The following ADAMTS18 variants were observed in gnomAD, a reference collection of about 807,000 sequenced individuals.
ADAMTS18 encodes the protein A disintegrin and metalloproteinase with thrombospondin motifs 18.
In ADAMTS18, 157 loss-of-function variants were observed where a neutral mutation model predicts 165.9. The observed-to-expected ratio is 0.95, with a 90% CI of 0.83 to 1.08. The LOEUF (loss-of-function observed/expected upper bound fraction) is 1.08, where lower values mean the gene tolerates loss of function less well. ADAMTS18 is among the 50% of genes least tolerant of loss of function. ADAMTS18 has a pLI of 0.00. For missense variants in ADAMTS18, 2,040 were observed against 1,534.0 expected, an observed-to-expected ratio of 1.33 and a Z score of -5.51; for synonymous variants, 782 against 578.2, an observed-to-expected ratio of 1.35 and a Z score of -5.06.
intron 3 of ADAMTS18, among the ~76,000 whole-genome samples, chr16:77,381,528 G>A (rs566127256): frequency 6.6e-5 from 10 of 152,294 alleles, no homozygotes; most frequent in Middle Eastern, 3.4e-3. Context: ...AGTCGGCTGG[G>A]TGGGGTGGCT....
At chr16:77,397,101 G>A (rs34813844) in intron 3 of ADAMTS18, among the ~76,000 whole-genome samples, 18,343 of 152,166 alleles carry the variant, frequency 0.12, 1,386 homozygotes, top group East Asian at 0.22. Flanking sequence ...GAGCCACCAC[G>A]GCCGGCCTGG....
Position 77,322,444 on chromosome 16 carries a change from G to A in ADAMTS18, c.2055C>T (p.Tyr685=), listed in dbSNP as rs2056019952. The change falls in exon 14 of 23, where the codon TAC becomes TAT. Residue 685 remains tyrosine, a synonymous_variant. Transcript: ENST00000282849. The part of the protein sequence containing the change: ...KVEEEDRCKL[Y]CKAENFEFFF... ...AAAATTCAAAGTTCTCAGCCTTGCA[G>A]TACAGTTTGCATCGATCTTCCTCTA... 6.2e-7 allele frequency: 1 copy of A among 1,614,034 alleles called. No homozygotes were observed. Among genetic ancestry groups the A allele is most frequent in the Non-Finnish European group, 8.5e-7 (1 of 1,179,950 alleles).
At chr16:77,382,110 T>C (rs1028992623) in intron 3 of ADAMTS18, among the ~76,000 whole-genome samples, 3 of 152,230 alleles carry the variant, frequency 2.0e-5, no homozygotes, top group Non-Finnish European at 4.4e-5. Flanking sequence ...ACTCCACATA[T>C]ATTTGGGAGA....
At chr16:77,351,256 A>G (rs2056551560) in intron 10 of ADAMTS18, among the ~76,000 whole-genome samples, 1 of 152,138 alleles carries the variant, frequency 6.6e-6, no homozygotes, top group South Asian at 2.1e-4. Context: ...ACCATCTTAA[A>G]TCATTTCTCT....
At chr16:77,411,843 A>G (rs529166089) in intron 3 of ADAMTS18, among the ~76,000 whole-genome samples, 5 of 151,522 alleles carry the variant, frequency 3.3e-5, no homozygotes, top group Non-Finnish European at 7.4e-5. Context: ...CCCACCACCA[A>G]GCCCAGCTAA....
chr16:77,307,665 G>A (rs10514411), intron 16 of ADAMTS18, among the ~76,000 whole-genome samples: 22,193 of 152,106 alleles, frequency 0.15, 1,715 homozygotes, highest in East Asian at 0.27. Flanking sequence ...TCGTCCTCTC[G>A]AGCCTGACTA....
chr16:77,314,504 T>A (rs953044705), intron 16 of ADAMTS18, among the ~76,000 whole-genome samples: 1 of 149,966 alleles, frequency 6.7e-6, no homozygotes, highest in East Asian at 2.0e-4. Flanking sequence ...CCCAGCTACT[T>A]GGGAGGCTGA....
intron 18 of ADAMTS18, 114 bp from the exon 19 acceptor site, chr16:77,295,241 A>G: frequency 1.9e-6 from 2 of 1,053,984 alleles, no homozygotes; most frequent in Non-Finnish European, 2.9e-6. Flanking sequence ...TTTCAGAACC[A>G]ATAAGATAAG....
chr16:77,324,630 G>A lies in ADAMTS18; in HGVS notation c.2032+1236C>T, dbSNP rs192719198. Among the ~76,000 whole-genome samples the A allele has an allele frequency of 1.3e-3, 191 of 152,222 alleles. 2 individuals carry two copies. Among genetic ancestry groups the A allele is most frequent in the African/African-American group, 4.3e-3 (180 of 41,548 alleles). ...TGAGAAGAGCTATGAAGAATAAAAC[G>A]GGGTAAAGGGTTCAGAAAACAATAT... On this transcript the variant is annotated intron_variant, in intron 13 of 22. Transcript: ENST00000282849.
chr16:77,285,722 G>A (rs553896567), intron 22 of ADAMTS18, among the ~76,000 whole-genome samples: 1 of 152,070 alleles, frequency 6.6e-6, no homozygotes, highest in Non-Finnish European at 1.5e-5. Context: ...CTGTGAGTCA[G>A]GTATTTCATT....
intron 3 of ADAMTS18, among the ~76,000 whole-genome samples, chr16:77,391,704 A>G (rs2057189957): frequency 6.6e-6 from 1 of 151,692 alleles, no homozygotes; most frequent in Non-Finnish European, 1.5e-5. Flanking sequence ...CAGAATGACA[A>G]TATCTGAAAA....
intron 7 of ADAMTS18, among the ~76,000 whole-genome samples, 157 bp from the exon 8 acceptor site, chr16:77,359,580 T>C (rs945101870): frequency 1.3e-5 from 2 of 152,122 alleles, no homozygotes; most frequent in Admixed American, 6.5e-5. Context: ...CTATAGTTCT[T>C]TGTCCTGTGT....
intron 3 of ADAMTS18, among the ~76,000 whole-genome samples, chr16:77,430,949 C>G (rs954097275): frequency 6.6e-6 from 1 of 152,146 alleles, no homozygotes; most frequent in African/African-American, 2.4e-5. Flanking sequence ...GCCATGTAGA[C>G]GCATGAAGCT....
chr16:77,317,878 C>T (rs1311891507), intron 16 of ADAMTS18, among the ~76,000 whole-genome samples: 1 of 152,128 alleles, frequency 6.6e-6, no homozygotes, highest in Non-Finnish European at 1.5e-5. Context: ...AAATTGAGTG[C>T]TTCAGTTTAG....
At position 77,297,303 on chromosome 16, in the gene ADAMTS18, G is replaced by A; in HGVS notation, c.2787C>T (p.Phe929=). ...AAATGACTTACTAAGCCGGGCAGGAGAAAGCGTTGCAGATTTTGGGCTCAG... is the reference window on the plus strand; with the variant it reads ...AAATGACTTACTAAGCCGGGCAGGAAAAAGCGTTGCAGATTTTGGGCTCAG... ...PVTEPKICNA[F]SCPAYWMPGE... is the part of the protein sequence containing the mutation. The change falls in exon 18 of 23, where the codon TTC becomes TTT. Residue 929 remains phenylalanine, a synonymous_variant. Coordinates refer to ENST00000282849, the MANE Select transcript of ADAMTS18 (RefSeq NM_199355.4). 3.1e-6 allele frequency: 5 copies of A among 1,614,180 alleles called. No homozygotes were observed. Among genetic ancestry groups the A allele is most frequent in the East Asian group, 2.2e-5 (1 of 44,880 alleles).
chr16:77,383,517 G>A (rs1226358564), intron 3 of ADAMTS18, among the ~76,000 whole-genome samples: 2 of 151,322 alleles, frequency 1.3e-5, no homozygotes, highest in Non-Finnish European at 2.9e-5. Context: ...CTCACTTCAT[G>A]TAGGTTTTTG....
At position 77,291,582 on chromosome 16, in the gene ADAMTS18, G is replaced by C. The variant is rs542369126; in HGVS notation, c.3190-104C>G. On this transcript the variant is annotated intron_variant, in intron 20 of 22. Transcript: ENST00000282849. The stretch of plus-strand genomic sequence containing the variant: ...TTGCACCATCCACATGAAATAGGAG[G>C]GATGGGATTACACAAGGTCAACCAC... The C allele has an allele frequency of 7.0e-6, 8 of 1,148,300 alleles. 1 individual carries two copies. Among genetic ancestry groups the C allele is most frequent in the Admixed American group, 6.7e-5 (4 of 59,370 alleles). 71.1% of individuals were successfully genotyped at this position (1,148,300 alleles called of 1,614,324 possible). A position where few individuals can be genotyped will look rare whatever the true frequency, so the allele number is the denominator to read the frequency against.
intron 3 of ADAMTS18, among the ~76,000 whole-genome samples, chr16:77,383,974 A>G (rs1597206297): frequency 6.6e-6 from 1 of 151,968 alleles, no homozygotes; most frequent in Non-Finnish European, 1.5e-5. Flanking sequence ...TTCCCCCATA[A>G]CAGCCTTTAT....
intron 15 of ADAMTS18, among the ~76,000 whole-genome samples, chr16:77,320,319 T>C (rs1201349200): frequency 2.0e-5 from 3 of 152,138 alleles, no homozygotes; most frequent in Admixed American, 6.5e-5. Context: ...CCAACTATGT[T>C]TTCTGTGGAG....
Sources: allele counts gnomAD v4.1 joint callset (sites outside exome capture counted in the v4.1 genomes callset), GRCh38; gene constraint gnomAD v4.1.1; transcripts MANE v1.5; gene names NCBI Gene and HGNC (gene_info 2026-07-23, HGNC 2026-07-21).